CHN1: variants seen among roughly 807,000 people sequenced by gnomAD.
CHN1 encodes N-chimaerin.
In CHN1, 37 loss-of-function variants were observed where a neutral mutation model predicts 59.5. The ratio of observed to expected loss-of-function variants is 0.62; its 90% CI spans 0.48 to 0.82. CHN1 has a LOEUF of 0.82. Among genes scored for constraint, CHN1 ranks in the 40% least tolerant of loss-of-function variants. The probability of loss-of-function intolerance (pLI) is 0.00; values close to 1 mark genes in which losing one functional copy is unlikely to be tolerated. For missense variants in CHN1, 469 were observed against 571.0 expected (o/e 0.82, Z 1.82); for synonymous variants, 206 against 200.4 (o/e 1.03, Z -0.24).
At chr2:174,967,383 G>A (rs2105433702) in intron 1 of CHN1, among the ~76,000 whole-genome samples, 1 of 151,978 alleles carries the variant, frequency 6.6e-6, no homozygotes, top group East Asian at 1.9e-4. Context: ...AAATTAAAAT[G>A]CAATATGTTT....
rs191663078 is a variant in CHN1 at position 174,866,024 on chromosome 2, G to A, written c.549+11816C>T. The stretch of plus-strand genomic sequence containing the variant: ...GGATCCAGATCTCTTCTTCAAAGTA[G>A]ATGCCCCATTAAAAAGTTGGTTATT... On this transcript the variant is annotated intron_variant, in intron 6 of 12. Transcript: ENST00000409900. 3.1e-3 allele frequency among the ~76,000 whole-genome samples: 472 copies of A among 152,294 alleles called. 3 individuals are homozygous for A. The highest frequency in any genetic ancestry group is 3.8e-3 in the Non-Finnish European group (260 of 68,014).
intron 3 of CHN1, among the ~76,000 whole-genome samples, chr2:174,933,044 A>G (rs1689397037): frequency 6.6e-6 from 1 of 152,182 alleles, no homozygotes; most frequent in Non-Finnish European, 1.5e-5. Flanking sequence ...CCATCAATTG[A>G]GATCTGGAAG....
intron 3 of CHN1, among the ~76,000 whole-genome samples, chr2:174,932,895 C>G (rs1689391139): frequency 6.6e-6 from 1 of 152,178 alleles, no homozygotes; most frequent in Non-Finnish European, 1.5e-5. Context: ...CCTCTTTTCT[C>G]TATGTATTAC....
intron 4 of CHN1, 27 bp downstream of exon 4, chr2:174,918,507 A>C (rs771532396): frequency 6.4e-7 from 1 of 1,555,388 alleles, no homozygotes; most frequent in South Asian, 1.2e-5. Flanking sequence ...CCAATCTATA[A>C]AACGTTTTCT....
chr2:174,978,034 T>G (rs148417700), intron 1 of CHN1, among the ~76,000 whole-genome samples: 34 of 152,328 alleles, frequency 2.2e-4, no homozygotes, highest in African/African-American at 7.7e-4. Flanking sequence ...TATAAAGATT[T>G]AGAACTGTTC....
Position 174,799,969 on chromosome 2 carries a change from A to T in CHN1, c.*147T>A. On this transcript the variant is annotated 3_prime_UTR_variant, in exon 13 of 13. Transcript: ENST00000409900. The stretch of plus-strand genomic sequence containing the variant: ...TTTTACAAGACAGCTGAGCGGTGCT[A>T]CAAAAACAACAGAAAGTTCCTTCAC... The T allele has an allele frequency of 1.3e-6, 1 of 775,884 alleles. No homozygotes were observed. Among genetic ancestry groups the T allele is most frequent in the Non-Finnish European group, 2.2e-6 (1 of 455,528 alleles). The allele number at this position is 775,884 out of a possible 1,614,324, so 48.1% of individuals were successfully genotyped here.
Position 174,878,102 on chromosome 2 carries a change from C to A in CHN1, c.287G>T (p.Arg96Met). The A allele has an allele frequency of 6.5e-7, 1 of 1,546,814 alleles. No homozygotes were observed. The highest frequency in any genetic ancestry group is 1.8e-5 in the Admixed American group (1 of 56,754). Residue 96 changes from arginine to methionine, a missense_variant, in exon 6 of 13, where the codon AGG becomes ATG. By Grantham distance (91) the Arg-to-Met change is moderately conservative. This residue lies in a region of CHN1 where 152 missense variants were observed against 166.1 expected (regional missense o/e 0.92). Transcript: ENST00000409900. ...AAAGTGCTTGCCATCGTAGTAGAGC[C>A]TGAAGTTTCTGGTTTGACTTCCAAA... is the stretch of plus-strand genomic sequence containing the variant. ...LRFGSQTRNF[R>M]LYYDGKHFVG...
intron 5 of CHN1, among the ~76,000 whole-genome samples, chr2:174,892,985 T>C (rs1287463685): frequency 6.6e-6 from 1 of 152,114 alleles, no homozygotes; most frequent in Non-Finnish European, 1.5e-5. Context: ...ATAAAAGGGT[T>C]ATAGATAAAA....
At chr2:174,829,059 A>AC (rs1685785313) in intron 7 of CHN1, among the ~76,000 whole-genome samples, 1 of 152,252 alleles carries the variant, frequency 6.6e-6, no homozygotes, top group African/African-American at 2.4e-5. Context: ...GTGACAGAGT[A>AC]TAAGGCATGA....
intron 1 of CHN1, among the ~76,000 whole-genome samples, chr2:174,988,677 C>T (rs192834676): frequency 3.0e-3 from 460 of 152,262 alleles, no homozygotes; most frequent in Non-Finnish European, 5.3e-3. Context: ...TAAAACTCAT[C>T]ACTGGTTTGA....
chr2:174,984,221 G>T (rs1477103723), intron 1 of CHN1, among the ~76,000 whole-genome samples: 1 of 152,022 alleles, frequency 6.6e-6, no homozygotes, highest in Non-Finnish European at 1.5e-5. Flanking sequence ...TGCTCTGTGT[G>T]CTATGTGTAT....
At chr2:174,941,052 C>A (rs1689644924) in intron 3 of CHN1, among the ~76,000 whole-genome samples, 1 of 152,054 alleles carries the variant, frequency 6.6e-6, no homozygotes, top group African/African-American at 2.4e-5. Context: ...TAATTACGGA[C>A]TTACAAATTC....
At chr2:174,849,073 TC>T (rs1338157830) in intron 6 of CHN1, among the ~76,000 whole-genome samples, 1 of 152,182 alleles carries the variant, frequency 6.6e-6, no homozygotes, top group Non-Finnish European at 1.5e-5. Flanking sequence ...TAAAATTTTT[TC>T]TTCAACAATA....
intron 1 of CHN1, among the ~76,000 whole-genome samples, chr2:174,993,484 C>G (rs148539523): frequency 2.0e-5 from 3 of 151,852 alleles, no homozygotes; most frequent in Non-Finnish European, 4.4e-5. Context: ...TCTGTGGCAC[C>G]GTGGCTGGGA....
intron 6 of CHN1, among the ~76,000 whole-genome samples, chr2:174,863,765 TAGAA>T (rs1454861989): frequency 6.6e-6 from 1 of 152,120 alleles, no homozygotes; most frequent in South Asian, 2.1e-4. Context: ...GATGTGTAGA[TAGAA>T]AGATAAATAC....
At chr2:174,876,561 A>G (rs1687570685) in intron 6 of CHN1, among the ~76,000 whole-genome samples, 1 of 152,204 alleles carries the variant, frequency 6.6e-6, no homozygotes, top group Admixed American at 6.5e-5. Flanking sequence ...TCCTAACAAT[A>G]TGAATATATA....
chr2:174,866,764 T>C (rs941840975), intron 6 of CHN1, among the ~76,000 whole-genome samples: 1 of 152,204 alleles, frequency 6.6e-6, no homozygotes, highest in African/African-American at 2.4e-5. Flanking sequence ...TGATTACATA[T>C]GAAGCTAAAG....
intron 8 of CHN1, among the ~76,000 whole-genome samples, chr2:174,819,304 G>A (rs755327407): frequency 2.0e-5 from 3 of 152,140 alleles, no homozygotes; most frequent in Non-Finnish European, 4.4e-5. Context: ...TATACCTGAA[G>A]TAATAAATAC....
intron 5 of CHN1, among the ~76,000 whole-genome samples, chr2:174,911,347 A>G (rs1688695696): frequency 6.6e-6 from 1 of 152,240 alleles, no homozygotes. Flanking sequence ...AAATGTTGTC[A>G]AAATCAGCAT....
Sources: allele counts gnomAD v4.1 joint callset (sites outside exome capture counted in the v4.1 genomes callset), GRCh38; gene constraint gnomAD v4.1.1; regional missense constraint gnomAD v4.1.1; transcripts MANE v1.5; gene names NCBI Gene and HGNC (gene_info 2026-07-23, HGNC 2026-07-21).